The following MAPK6 variants were observed in gnomAD, a reference collection of about 807,000 sequenced individuals.
The protein encoded by MAPK6 is ERK-3.
A neutral mutation model predicts 59.3 loss-of-function variants in MAPK6; 19 were observed. The observed-to-expected ratio is 0.32, with a 90% CI of 0.22 to 0.47. MAPK6 has a LOEUF of 0.47. MAPK6 is among the 20% of genes least tolerant of loss of function. The pLI, the probability that MAPK6 is intolerant of heterozygous loss-of-function variation, is 1.00. For missense variants in MAPK6, 724 were observed against 847.9 expected, an observed-to-expected ratio of 0.85 and a Z score of 1.81; for synonymous variants, 316 against 290.3, an observed-to-expected ratio of 1.09 and a Z score of -0.90.
At chr15:52,045,308 C>G (rs1478112112) in intron 1 of MAPK6, among the ~76,000 whole-genome samples, 1 of 152,034 alleles carries the variant, frequency 6.6e-6, no homozygotes, top group African/African-American at 2.4e-5. Flanking sequence ...CATTAAATAC[C>G]TTTTCATAGG....
At chr15:52,035,201 A>G (rs2031195474) in intron 1 of MAPK6, among the ~76,000 whole-genome samples, 1 of 152,198 alleles carries the variant, frequency 6.6e-6, no homozygotes. Context: ...AAGACTCAGA[A>G]TGTCTCAGAG....
At chr15:52,020,213 T>C (rs576930939) in intron 1 of MAPK6, among the ~76,000 whole-genome samples, 1 of 152,236 alleles carries the variant, frequency 6.6e-6, no homozygotes. Flanking sequence ...TTGTGAGTTG[T>C]GTCGAAAAGT....
At chr15:52,040,209 G>A (rs1464135736) in intron 1 of MAPK6, among the ~76,000 whole-genome samples, 1 of 152,246 alleles carries the variant, frequency 6.6e-6, no homozygotes, top group Non-Finnish European at 1.5e-5. Context: ...ACATTTATCT[G>A]TGCCAGGGTT....
chr15:52,007,425 C>G (rs940830530), intron 3 of MAPK6, among the ~76,000 whole-genome samples: 1 of 152,156 alleles, frequency 6.6e-6, no homozygotes, highest in African/African-American at 2.4e-5. Context: ...GTTAAGAAGA[C>G]AACTTTTTTT....
At chr15:51,976,220 C>G (rs1281405217) in intron 1 of MAPK6, among the ~76,000 whole-genome samples, 1 of 144,252 alleles carries the variant, frequency 6.9e-6, no homozygotes, top group East Asian at 2.1e-4. Flanking sequence ...GAGCTGAGAT[C>G]GTGCCACTGC....
chr15:52,040,671 C>A, intron 1 of MAPK6, among the ~76,000 whole-genome samples: 1 of 152,134 alleles, frequency 6.6e-6, no homozygotes, highest in Middle Eastern at 3.4e-3. Flanking sequence ...AGGCTTGACT[C>A]CCAGTACCAG....
At chr15:52,020,791 A>G (rs997689617) in intron 1 of MAPK6, among the ~76,000 whole-genome samples, 2 of 152,260 alleles carry the variant, frequency 1.3e-5, no homozygotes, top group Non-Finnish European at 2.9e-5. Context: ...ATGTTTATGA[A>G]GTGTTTGCTA....
chr15:52,002,467 C>T (rs1595963519), intron 2 of MAPK6, among the ~76,000 whole-genome samples: 1 of 152,206 alleles, frequency 6.6e-6, no homozygotes, highest in East Asian at 1.9e-4. Flanking sequence ...TTCCAGGAAG[C>T]AGATCCTGAG....
intron 2 of MAPK6, among the ~76,000 whole-genome samples, chr15:52,000,558 A>T (rs2057239053): frequency 6.6e-6 from 1 of 152,208 alleles, no homozygotes; most frequent in South Asian, 2.1e-4. Flanking sequence ...CTGTAATCCC[A>T]GCACTTTGGG....
chr15:52,048,381 G>A (rs1371871316), intron 2 of MAPK6, among the ~76,000 whole-genome samples: 2 of 152,162 alleles, frequency 1.3e-5, no homozygotes, highest in Non-Finnish European at 2.9e-5. Flanking sequence ...CACTTTGGGA[G>A]GCTGAGGCAG....
At chr15:51,982,231 A>G (rs1266716141) in intron 1 of MAPK6, among the ~76,000 whole-genome samples, 2 of 152,228 alleles carry the variant, frequency 1.3e-5, no homozygotes, top group Non-Finnish European at 2.9e-5. Flanking sequence ...TGGCTGATTT[A>G]GAATCGTGTG....
Position 52,065,040 on chromosome 15 carries a change from TGTGTTTTGTCTTTTTTTATTACTA to T in MAPK6, c.*47_*70del. 1 of 1,520,554 alleles carries T rather than the reference TGTGTTTTGTCTTTTTTTATTACTA, an allele frequency of 6.6e-7. No individual in the cohort carries two copies. The highest frequency in any genetic ancestry group is 8.8e-7 in the Non-Finnish European group (1 of 1,131,946). 94.2% of individuals were successfully genotyped at this position (1,520,554 alleles called of 1,614,324 possible). ...ATTTATCTTTGTATTCTTCATGAAA[TGTGTTTTGTCTTTTTTTATTACTA>T]GTGTTTAAGTCATTTTTTACTTGAA... On this transcript the variant is annotated 3_prime_UTR_variant, in exon 6 of 6. Coordinates refer to ENST00000261845, the MANE Select transcript of MAPK6 (RefSeq NM_002748.4).
At chr15:52,034,208 C>T (rs914191635) in intron 1 of MAPK6, among the ~76,000 whole-genome samples, 2 of 152,204 alleles carry the variant, frequency 1.3e-5, no homozygotes, top group African/African-American at 4.8e-5. Flanking sequence ...TGGTTTCAAA[C>T]TCCTCACCTC....
chr15:52,031,923 C>T (rs566776542), intron 1 of MAPK6, among the ~76,000 whole-genome samples: 96 of 151,338 alleles, frequency 6.3e-4, no homozygotes, highest in African/African-American at 1.8e-3. Context: ...TTTTTTGAGG[C>T]GGAGTCTCGC....
chr15:52,000,224 C>T (rs2057238187), intron 2 of MAPK6, among the ~76,000 whole-genome samples: 1 of 152,130 alleles, frequency 6.6e-6, no homozygotes, highest in Admixed American at 6.5e-5. Flanking sequence ...CAGGCGTGAG[C>T]CACTGTACCT....
intron 1 of MAPK6, among the ~76,000 whole-genome samples, chr15:51,978,687 A>G (rs541203423): frequency 1.3e-5 from 2 of 151,932 alleles, no homozygotes; most frequent in South Asian, 2.1e-4. Flanking sequence ...CAAGAAAAAA[A>G]CTTTTAAAAG....
intron 1 of MAPK6, among the ~76,000 whole-genome samples, chr15:52,031,375 G>A (rs929833596): frequency 2.0e-5 from 3 of 152,174 alleles, no homozygotes; most frequent in African/African-American, 7.2e-5. Context: ...TTCAAATCCT[G>A]GCTCTCTCAT....
chr15:52,044,153 A>G (rs2031526434), intron 1 of MAPK6, among the ~76,000 whole-genome samples: 1 of 152,058 alleles, frequency 6.6e-6, no homozygotes, highest in Non-Finnish European at 1.5e-5. Context: ...CTGGTAAGCT[A>G]CAGAATTTTT....
intron 1 of MAPK6, among the ~76,000 whole-genome samples, chr15:52,038,835 A>G (rs2031325635): frequency 6.6e-6 from 1 of 152,194 alleles, no homozygotes; most frequent in African/African-American, 2.4e-5. Flanking sequence ...TTTGTTTAGT[A>G]TACAGCAATT....
Sources: gnomAD v4.1 joint callset for allele counts (sites outside exome capture counted in the v4.1 genomes callset) on GRCh38, gnomAD v4.1.1 for gene constraint, MANE v1.5 for transcripts, NCBI Gene and HGNC (gene_info 2026-07-23, HGNC 2026-07-21) for gene names.